The following CDH20 variants were observed in gnomAD, a reference collection of about 807,000 sequenced individuals.
CDH20 encodes cadherin 20, also known as cadherin-20.
CDH20 carries 29 observed loss-of-function variants against 74.2 expected under a neutral mutation model. That is an observed-to-expected ratio of 0.39 (90% CI 0.29 to 0.53). The LOEUF is 0.53. Among genes scored for constraint, CDH20 ranks in the 20% least tolerant of loss-of-function variants. The pLI is 0.69. For synonymous variants in CDH20, 469 were observed against 405.4 expected (o/e 1.16, Z -1.88); for missense variants, 988 against 1,048.3 (o/e 0.94, Z 0.79).
intron 6 of CDH20, among the ~76,000 whole-genome samples, chr18:61,513,070 G>T (rs1262785035): frequency 2.0e-5 from 3 of 151,576 alleles, no homozygotes; most frequent in Non-Finnish European, 4.4e-5. Flanking sequence ...ATGACTTTCT[G>T]TCTCGTTGAT....
rs190284220 is a variant in CDH20, at chr18:61,460,903, T to A, written c.-152-29499T>A. ...ATTTATTTTGAAGTAATTTTTTGAT[T>A]TAGGAGTAAATATATCTTTTGGTAT... On this transcript the variant is annotated intron_variant, in intron 1 of 11. Transcript: ENST00000262717. 1.9e-3 allele frequency among the ~76,000 whole-genome samples: 282 copies of A among 152,280 alleles called. 2 individuals carry two copies. Among genetic ancestry groups the A allele is most frequent in the Middle Eastern group, 3.4e-3 (1 of 294 alleles).
chr18:61,483,237 C>T (rs1041156206), intron 1 of CDH20, among the ~76,000 whole-genome samples: 5 of 152,210 alleles, frequency 3.3e-5, no homozygotes, highest in South Asian at 2.1e-4. Context: ...TCACTCCTGA[C>T]GAAGAATTCC....
chr18:61,335,447 G>A (rs1345172164), intron 1 of CDH20, among the ~76,000 whole-genome samples: 2 of 152,110 alleles, frequency 1.3e-5, no homozygotes, highest in South Asian at 4.1e-4. Flanking sequence ...AGGAGATGAG[G>A]TCAAGCCTCC....
intron 1 of CDH20, among the ~76,000 whole-genome samples, chr18:61,448,547 G>C (rs2144332438): frequency 1.3e-5 from 2 of 152,284 alleles, no homozygotes; most frequent in Middle Eastern, 3.4e-3. Context: ...AGTTAAACTA[G>C]TTGTTATTTA....
At chr18:61,464,160 G>T (rs1909879790) in intron 1 of CDH20, among the ~76,000 whole-genome samples, 1 of 151,956 alleles carries the variant, frequency 6.6e-6, no homozygotes, top group Non-Finnish European at 1.5e-5. Flanking sequence ...GTACCACTAT[G>T]GTAATTCTGT....
At chr18:61,416,630 A>G (rs1037302085) in intron 1 of CDH20, among the ~76,000 whole-genome samples, 6 of 152,254 alleles carry the variant, frequency 3.9e-5, no homozygotes, top group African/African-American at 9.6e-5. Context: ...TGCGTGCCCT[A>G]GATTAGTCAG....
intron 1 of CDH20, among the ~76,000 whole-genome samples, chr18:61,442,611 A>G (rs902367668): frequency 1.3e-5 from 2 of 152,210 alleles, no homozygotes; most frequent in Non-Finnish European, 2.9e-5. Context: ...AATGGCATCA[A>G]AAAGACTCTA....
chr18:61,341,844 C>A (rs748379314), intron 1 of CDH20, among the ~76,000 whole-genome samples: 4 of 152,204 alleles, frequency 2.6e-5, no homozygotes, highest in Non-Finnish European at 4.4e-5. Context: ...CAGGGTACAT[C>A]TTCATTAACA....
intron 1 of CDH20, among the ~76,000 whole-genome samples, chr18:61,466,306 AACTT>A (rs1297020922): frequency 1.4e-4 from 22 of 152,212 alleles, no homozygotes; most frequent in African/African-American, 2.7e-4. Flanking sequence ...TTACAATAGA[AACTT>A]ACTATTTTAC....
intron 1 of CDH20, among the ~76,000 whole-genome samples, chr18:61,433,221 T>C (rs926234211): frequency 3.9e-5 from 6 of 152,190 alleles, no homozygotes; most frequent in African/African-American, 1.4e-4. Flanking sequence ...CCAATCACCA[T>C]GCCAAACACA....
intron 1 of CDH20, among the ~76,000 whole-genome samples, chr18:61,463,955 G>A (rs1478937547): frequency 1.3e-5 from 2 of 152,084 alleles, no homozygotes; most frequent in African/African-American, 4.8e-5. Context: ...CACCGAGCCT[G>A]GAAACACCTT....
intron 1 of CDH20, among the ~76,000 whole-genome samples, chr18:61,347,764 T>C (rs1910180027): frequency 6.6e-6 from 1 of 152,180 alleles, no homozygotes; most frequent in Non-Finnish European, 1.5e-5. Flanking sequence ...TCCTCTAGGA[T>C]AATCTAGAGT....
intron 1 of CDH20, among the ~76,000 whole-genome samples, chr18:61,336,115 G>A (rs1909750414): frequency 6.6e-6 from 1 of 152,190 alleles, no homozygotes; most frequent in Non-Finnish European, 1.5e-5. Context: ...AGGGTTCAGA[G>A]ACTGGAATCG....
intron 1 of CDH20, among the ~76,000 whole-genome samples, chr18:61,419,387 A>G (rs1230377195): frequency 6.6e-6 from 1 of 152,248 alleles, no homozygotes; most frequent in Non-Finnish European, 1.5e-5. Context: ...ATTGCTAAAC[A>G]TCCTTGTAAA....
chr18:61,397,730 T>A (rs1322220911), intron 1 of CDH20, among the ~76,000 whole-genome samples: 1 of 152,212 alleles, frequency 6.6e-6, no homozygotes, highest in Admixed American at 6.5e-5. Flanking sequence ...CTCTGCCACT[T>A]ACTAGCCGTG....
chr18:61,416,054 A>AT (rs1283116299), intron 1 of CDH20, among the ~76,000 whole-genome samples: 1 of 151,920 alleles, frequency 6.6e-6, no homozygotes, highest in Non-Finnish European at 1.5e-5. Flanking sequence ...AAAAAAAAAA[A>AT]ATATTAAGAT....
In CDH20 at chr18:61,504,153, T is replaced by A. The variant is rs147811955; in HGVS notation, c.829+1033T>A. On this transcript the variant is annotated intron_variant, in intron 5 of 11. Transcript: ENST00000262717. ...CTCCAGTGGAAGCCATAGAAACGTT[T>A]TTGAGCAAGAGGGAGACATAAAGAA... Among the ~76,000 whole-genome samples the A allele has an allele frequency of 1.1e-3, 172 of 152,304 alleles. 2 individuals carry two copies. Among genetic ancestry groups the A allele is most frequent in the South Asian group, 2.1e-3 (10 of 4,822 alleles).
intron 6 of CDH20, among the ~76,000 whole-genome samples, chr18:61,523,107 A>G (rs1912268359): frequency 6.6e-6 from 1 of 152,184 alleles, no homozygotes; most frequent in South Asian, 2.1e-4. Context: ...AAAAGAAACT[A>G]TCATCAAATT....
At chr18:61,396,080 C>T (rs905255799) in intron 1 of CDH20, among the ~76,000 whole-genome samples, 2 of 108,646 alleles carry the variant, frequency 1.8e-5, no homozygotes, top group Admixed American at 9.0e-5. Flanking sequence ...TGTTCATGCA[C>T]GCACACCATG....
Sources: gnomAD v4.1 joint callset for allele counts (sites outside exome capture counted in the v4.1 genomes callset) on GRCh38, gnomAD v4.1.1 for gene constraint, MANE v1.5 for transcripts, NCBI Gene and HGNC (gene_info 2026-07-23, HGNC 2026-07-21) for gene names.